RPS6KB2: variants seen among roughly 807,000 people sequenced by gnomAD.
RPS6KB2 encodes the protein ribosomal protein S6 kinase B2, also known as ribosomal protein S6 kinase beta-2.
RPS6KB2 carries 51 observed loss-of-function variants against 58.2 expected under a neutral mutation model. The ratio of observed to expected loss-of-function variants is 0.88; its 90% CI spans 0.70 to 1.11. RPS6KB2 has a LOEUF of 1.11. RPS6KB2 is among the 50% of genes least tolerant of loss of function. The pLI is 0.00. For missense variants in RPS6KB2, 671 were observed against 655.8 expected, an observed-to-expected ratio of 1.02 and a Z score of -0.25; for synonymous variants, 293 against 258.6, an observed-to-expected ratio of 1.13 and a Z score of -1.28.
At chr11:67,431,314 G>A in intron 4 of RPS6KB2, 54 bp from the exon 5 acceptor site, 4 of 1,579,862 alleles carry the variant, frequency 2.5e-6, no homozygotes, top group Non-Finnish European at 3.5e-6. Flanking sequence ...ACAGGTGTGA[G>A]CCACTGTGCC....
In RPS6KB2 at chr11:67,433,192, GATGTACGAC is replaced by G; in HGVS notation, c.778_786del (p.Tyr260_Met262del). The G allele has an allele frequency of 6.8e-6, 11 of 1,606,090 alleles. No individual in the cohort carries two copies. The highest frequency in any genetic ancestry group is 9.3e-6 in the Non-Finnish European group (11 of 1,178,482). ...TGGACTGGTGGAGCCTGGGGGCCCT[GATGTACGAC>G]ATGCTCACTGGATCGGCAAGTCCAG... On this transcript the variant is annotated inframe_deletion, in exon 9 of 15. Coordinates refer to ENST00000312629, the MANE Select transcript of RPS6KB2 (RefSeq NM_003952.3).
intron 2 of RPS6KB2, 44 bp from the exon 3 acceptor site, chr11:67,429,076 G>A (rs1470021002): frequency 1.2e-6 from 2 of 1,613,886 alleles, no homozygotes; most frequent in Admixed American, 1.7e-5. Context: ...AGGGGAACTG[G>A]GGAGCACTGG....
chr11:67,435,010 T>C lies in RPS6KB2; in HGVS notation c.1290T>C (p.Phe430=). 1 of 1,613,602 alleles carries C rather than the reference T, an allele frequency of 6.2e-7. No individual in the cohort carries two copies. The highest frequency in any genetic ancestry group is 2.2e-5 in the East Asian group (1 of 44,874). Residue 430 remains phenylalanine, a synonymous_variant, in exon 15 of 15, where the codon TTT becomes TTC. Transcript: ENST00000312629. Reference sequence around the variant, plus strand: ...GCAGCCCCCTCAAGTTCTCCCCTTTTGAGGGGTTTCGGCCCAGCCCCAGCC... The same window carrying C: ...GCAGCCCCCTCAAGTTCTCCCCTTTCGAGGGGTTTCGGCCCAGCCCCAGCC... ...APVSPLKFSP[F]EGFRPSPSLP...
chr11:67,433,453 G>T lies in RPS6KB2; in HGVS notation c.906+6G>T. The T allele has an allele frequency of 6.3e-7, 1 of 1,598,390 alleles. No homozygotes were observed. Among genetic ancestry groups the T allele is most frequent in the Non-Finnish European group, 8.6e-7 (1 of 1,165,788 alleles). On this transcript the variant is annotated splice_donor_region_variant and intron_variant, in intron 10 of 14. Coordinates refer to ENST00000312629, the MANE Select transcript of RPS6KB2 (RefSeq NM_003952.3). ...CCCGGGACCTTGTCAAAAAGGTGCA[G>T]CTCCCTTCTCTCTTCTCCGGGGCCC...
intron 3 of RPS6KB2, 62 bp from the exon 4 acceptor site, chr11:67,429,465 G>A (rs540824500): frequency 2.7e-6 from 4 of 1,502,822 alleles, no homozygotes; most frequent in South Asian, 2.4e-5. Context: ...GAGCTTCAGG[G>A]TGGGGCTTCT....
chr11:67,429,780 C>T, intron 4 of RPS6KB2, 185 bp downstream of exon 4: 2 of 589,712 alleles, frequency 3.4e-6, no homozygotes, highest in South Asian at 2.0e-5. Flanking sequence ...TTTTGACTCC[C>T]AGCAGACATT....
chr11:67,429,414 C>G, intron 3 of RPS6KB2, 113 bp from the exon 4 acceptor site: 1 of 1,366,948 alleles, frequency 7.3e-7, no homozygotes. Flanking sequence ...TCTTCACTGC[C>G]CCACCCTTGG....
chr11:67,431,417 G>A lies in RPS6KB2; in HGVS notation c.359G>A (p.Arg120Gln), dbSNP rs751194292. ...GACACAGCACACACACGGGCTGAGCGGAACATTCTAGAGTCAGTGAAGCAC... is the reference window on the plus strand; with the variant it reads ...GACACAGCACACACACGGGCTGAGCAGAACATTCTAGAGTCAGTGAAGCAC... The part of the protein sequence containing the change: ...AKDTAHTRAE[R>Q]NILESVKHPF... Residue 120 changes from arginine to glutamine, a missense_variant, in exon 5 of 15, where the codon CGG becomes CAG. Coordinates refer to ENST00000312629, the MANE Select transcript of RPS6KB2 (RefSeq NM_003952.3). 13 of 1,613,996 alleles carry A rather than the reference G, an allele frequency of 8.1e-6. No homozygotes were observed. The East Asian group carries it at 8.9e-5, about 11-fold the overall frequency.
chr11:67,432,799 G>A lies in RPS6KB2; in HGVS notation c.578G>A (p.Arg193Gln), dbSNP rs201348433. The A allele has an allele frequency of 8.6e-5, 138 of 1,613,958 alleles. No homozygotes were observed. The highest frequency in any genetic ancestry group is 7.3e-4 in the Admixed American group (44 of 60,000). The part of the protein sequence containing the change: ...GHLHSQGIIY[R>Q]DLKPENIMLS... ...CTCCACTCCCAGGGCATCATCTACC[G>A]GGACCTCAAGCCCGAGAACATCATG... Residue 193 changes from arginine to glutamine, a missense_variant, in exon 7 of 15, where the codon CGG (arginine) becomes CAG (glutamine). Coordinates refer to ENST00000312629, the MANE Select transcript of RPS6KB2 (RefSeq NM_003952.3).
chr11:67,429,090 C>T (rs1863939607), intron 2 of RPS6KB2, 30 bp from the exon 3 acceptor site: 1 of 1,613,856 alleles, frequency 6.2e-7, no homozygotes, highest in Non-Finnish European at 8.5e-7. Context: ...GCACTGGAGC[C>T]TTGTCCTCAT....
intron 14 of RPS6KB2, 37 bp downstream of exon 14, chr11:67,434,731 G>A (rs939388110): frequency 6.7e-7 from 1 of 1,494,560 alleles, no homozygotes; most frequent in African/African-American, 1.4e-5. Context: ...CTGGGTTAGG[G>A]ACGCTGGCAG....
chr11:67,433,801 C>T (rs1458393196), intron 10 of RPS6KB2, among the ~76,000 whole-genome samples, 194 bp from the exon 11 acceptor site: 1 of 152,246 alleles, frequency 6.6e-6, no homozygotes, highest in Non-Finnish European at 1.5e-5. Flanking sequence ...GGCCCAGGAG[C>T]CTCTGCAAAG....
rs562561012 is a variant in RPS6KB2 at position 67,435,057 on chromosome 11, C to T, written c.1337C>T (p.Pro446Leu). Residue 446 changes from proline (P) to leucine (L), a missense_variant, in exon 15 of 15, where the codon CCT becomes CTT. Pro to Leu is a moderately conservative substitution (Grantham distance 98). Coordinates refer to ENST00000312629, the MANE Select transcript of RPS6KB2 (RefSeq NM_003952.3). Reference protein sequence around the residue: ...SPSLPEPTELPLPPLLPPPPP... With the variant: ...SPSLPEPTELLLPPLLPPPPP... ...AGCCTGCCGGAGCCCACGGAGCTAC[C>T]TCTACCTCCACTCCTGCCACCGCCG... 6.2e-7 allele frequency: 1 copy of T among 1,612,346 alleles called. No homozygotes were observed. The highest frequency in any genetic ancestry group is 2.2e-5 in the East Asian group (1 of 44,872).
intron 1 of RPS6KB2, 59 bp downstream of exon 1, chr11:67,428,682 G>T: frequency 6.6e-7 from 1 of 1,506,770 alleles, no homozygotes. Context: ...CCCAGCCGAG[G>T]CCGGAGCGGC....
chr11:67,433,289 A>G (rs1638589), intron 9 of RPS6KB2, 51 bp from the exon 10 acceptor site: 1 of 1,603,486 alleles, frequency 6.2e-7, no homozygotes, highest in African/African-American at 1.3e-5. Flanking sequence ...GGGCAAGGGC[A>G]GGGCCTGGTG....
At position 67,435,102 on chromosome 11, in the gene RPS6KB2, C is replaced by G. The variant is rs200313021; in HGVS notation, c.1382C>G (p.Pro461Arg). ...LPPPPPSTTA[P>R]LPIRPPSGTK... is the part of the protein sequence containing the mutation. ...CCGCCGCCGCCCTCGACCACCGCCC[C>G]TCTCCCCATCCGTCCCCCCTCAGGG... Residue 461 changes from proline (P) to arginine (R), a missense_variant, in exon 15 of 15, where the codon CCT (proline) becomes CGT (arginine). Physicochemically the swap from Pro to Arg is moderately radical, Grantham distance 103. Transcript: ENST00000312629. 1 of 1,608,404 alleles carries G rather than the reference C, an allele frequency of 6.2e-7. No homozygotes were observed. The highest frequency in any genetic ancestry group is 2.2e-5 in the East Asian group (1 of 44,788).
At position 67,435,306 on chromosome 11, in the gene RPS6KB2, C is replaced by G. The variant is rs1218050302; in HGVS notation, c.*137C>G. On this transcript the variant is annotated 3_prime_UTR_variant, in exon 15 of 15. Transcript: ENST00000312629. ...GAGTGCGTATGAAAGTGTGTGTCTG[C>G]TGGGGCAGCTGTGCCCCTGAATCAT... The G allele has an allele frequency of 2.5e-5, 21 of 838,184 alleles. No homozygotes were observed. The East Asian group carries it at 5.8e-4, about 23-fold the overall frequency. 51.9% of individuals were successfully genotyped at this position (838,184 alleles called of 1,614,324 possible).
chr11:67,431,535 CAG>C lies in RPS6KB2; in HGVS notation c.457+21_457+22del. 6.2e-7 allele frequency: 1 copy of C among 1,609,324 alleles called. No homozygotes were observed. The highest frequency in any genetic ancestry group is 8.5e-7 in the Non-Finnish European group (1 of 1,176,900). Reference sequence around the variant, plus strand: ...TCAGTGGTATGAGTGCGGGCCCAGGCAGGGGTGCTGGGGGTCGCGGGGGGGCA... The same window carrying C: ...TCAGTGGTATGAGTGCGGGCCCAGGCGGGTGCTGGGGGTCGCGGGGGGGCA... On this transcript the variant is annotated intron_variant, in intron 5 of 14. Transcript: ENST00000312629.
Position 67,433,441 on chromosome 11 carries a change from C to CA in RPS6KB2, c.905dup (p.Phe303ValfsTer19). The CA allele has an allele frequency of 6.2e-7, 1 of 1,607,470 alleles. No individual in the cohort carries two copies. On this transcript the variant is annotated frameshift_variant, in exon 10 of 15. Coordinates refer to ENST00000312629, the MANE Select transcript of RPS6KB2 (RefSeq NM_003952.3). LOFTEE classifies it high-confidence loss of function. ...TCACCCCAGATGCCCGGGACCTTGT[C>CA]AAAAAGGTGCAGCTCCCTTCTCTCT...
Sources: allele counts gnomAD v4.1 joint callset (sites outside exome capture counted in the v4.1 genomes callset), GRCh38; gene constraint gnomAD v4.1.1; transcripts MANE v1.5; gene names NCBI Gene and HGNC (gene_info 2026-07-23, HGNC 2026-07-21).